ITGB3BP: variants seen among roughly 807,000 people sequenced by gnomAD.
ITGB3BP encodes the protein centromere protein R.
ITGB3BP carries 27 observed loss-of-function variants against 29.1 expected under a neutral mutation model. The observed-to-expected ratio is 0.93, with a 90% CI of 0.68 to 1.28. The LOEUF (loss-of-function observed/expected upper bound fraction) is 1.28, where lower values mean the gene tolerates loss of function less well. Among genes scored for constraint, ITGB3BP ranks in the 50% most tolerant of loss-of-function variants. The probability of loss-of-function intolerance (pLI) is 0.00; values close to 1 mark genes in which losing one functional copy is unlikely to be tolerated. For synonymous variants in ITGB3BP, 61 were observed against 61.4 expected (o/e 0.99, Z 0.03); for missense variants, 192 against 200.2 (o/e 0.96, Z 0.25).
At position 63,494,950 on chromosome 1, in the gene ITGB3BP, G is replaced by A. The variant is rs11806774; in HGVS notation, c.49-4732C>T. ...CCTGAGTAGCTGAGGCTATAGGCAC[G>A]CACTACCATGCCAGCTTATTTAACA... On this transcript the variant is annotated intron_variant, in intron 2 of 8. Transcript: ENST00000271002. Among the ~76,000 whole-genome samples the A allele has an allele frequency of 6.6e-3, 1,003 of 152,122 alleles. 10 individuals are homozygous for A. Among genetic ancestry groups the A allele is most frequent in the African/African-American group, 0.023 (939 of 41,482 alleles).
At chr1:63,487,800 A>C (rs1645560337) in intron 3 of ITGB3BP, among the ~76,000 whole-genome samples, 1 of 152,142 alleles carries the variant, frequency 6.6e-6, no homozygotes, top group South Asian at 2.1e-4. Flanking sequence ...TACATGCTAC[A>C]CTTTTATATG....
intron 2 of ITGB3BP, among the ~76,000 whole-genome samples, chr1:63,503,999 C>G (rs1646007389): frequency 6.6e-6 from 1 of 151,762 alleles, no homozygotes; most frequent in African/African-American, 2.4e-5. Context: ...GATGCAGGCT[C>G]TTTTTTGGTT....
At chr1:63,526,421 C>T (rs1159870974), upstream of ITGB3BP, among the ~76,000 whole-genome samples, 3 of 152,088 alleles carry the variant, frequency 2.0e-5, no homozygotes, top group Admixed American at 6.6e-5. Flanking sequence ...AGGCTAATAA[C>T]TTTATGGGTA....
intron 2 of ITGB3BP, among the ~76,000 whole-genome samples, chr1:63,500,535 C>A (rs960645637): frequency 2.0e-5 from 3 of 151,998 alleles, no homozygotes; most frequent in African/African-American, 7.2e-5. Flanking sequence ...CCATTAATAG[C>A]ATAAAAAGAA....
intron 7 of ITGB3BP, chr1:63,449,779 T>C (rs1433339850): frequency 1.3e-5 from 2 of 154,586 alleles, no homozygotes; most frequent in Non-Finnish European, 2.9e-5. Context: ...TCGTCACGTC[T>C]AAACTTCAAA....
intron 4 of ITGB3BP, among the ~76,000 whole-genome samples, chr1:63,464,926 TA>T (rs554784611): frequency 1.6e-4 from 24 of 152,236 alleles, no homozygotes; most frequent in African/African-American, 5.5e-4. Flanking sequence ...AATAAAAGGT[TA>T]AAAAAATTGT....
intron 7 of ITGB3BP, among the ~76,000 whole-genome samples, chr1:63,448,429 G>A (rs1291309094): frequency 6.6e-6 from 1 of 151,914 alleles, no homozygotes; most frequent in Non-Finnish European, 1.5e-5. Flanking sequence ...CACTTGGTGT[G>A]AATAGTATGA....
chr1:63,506,089 G>T (rs1210540576), intron 2 of ITGB3BP, among the ~76,000 whole-genome samples: 1 of 152,114 alleles, frequency 6.6e-6, no homozygotes, highest in Non-Finnish European at 1.5e-5. Flanking sequence ...CTGTCTCGTT[G>T]ATCTGTCTAA....
chr1:63,493,084 A>ACGCGCGCG (rs1203724292), intron 2 of ITGB3BP, among the ~76,000 whole-genome samples: 72 of 136,258 alleles, frequency 5.3e-4, no homozygotes, highest in Middle Eastern at 4.3e-3. Context: ...ACACACACAC[A>ACGCGCGCG]CACACGCGCG....
At chr1:63,523,095 C>T (rs1200014311) in intron 1 of ITGB3BP, 34 bp downstream of exon 1, 1 of 1,613,656 alleles carries the variant, frequency 6.2e-7, no homozygotes, top group Non-Finnish European at 8.5e-7. Context: ...CAGAGGGCCC[C>T]CAAAACAGCA....
Position 63,477,466 on chromosome 1 carries a change from C to T in ITGB3BP, c.254+1298G>A, listed in dbSNP as rs78444791. Among the ~76,000 whole-genome samples the T allele has an allele frequency of 4.9e-3, 745 of 152,254 alleles. 1 individual carries two copies. The highest frequency in any genetic ancestry group is 6.9e-3 in the Non-Finnish European group (470 of 68,018). On this transcript the variant is annotated intron_variant, in intron 4 of 8. Transcript: ENST00000271002. ...GCATGCAGTATCTCACACCTGTAAT[C>T]CCAGCACTTTGGGAGGCCTGGGCGA...
At chr1:63,512,134 C>T (rs1362177954) in intron 1 of ITGB3BP, among the ~76,000 whole-genome samples, 1 of 151,956 alleles carries the variant, frequency 6.6e-6, no homozygotes, top group Admixed American at 6.6e-5. Context: ...GGTTTAGATT[C>T]ACTGGGATCA....
At chr1:63,479,223 G>T (rs1645395171) in intron 3 of ITGB3BP, among the ~76,000 whole-genome samples, 1 of 151,844 alleles carries the variant, frequency 6.6e-6, no homozygotes, top group South Asian at 2.1e-4. Context: ...TTTTTCTCAA[G>T]TTAACAACAA....
chr1:63,524,493 A>G (rs1015072709), upstream of ITGB3BP, among the ~76,000 whole-genome samples: 1 of 152,192 alleles, frequency 6.6e-6, no homozygotes, highest in Admixed American at 6.5e-5. Context: ...ATAATTCGAA[A>G]AGGTGCAAGT....
chr1:63,454,814 A>G lies in ITGB3BP; in HGVS notation c.333+76T>C. 1 of 657,346 alleles carries G rather than the reference A, an allele frequency of 1.5e-6. No individual in the cohort carries two copies. Among genetic ancestry groups the G allele is most frequent in the South Asian group, 2.6e-5 (1 of 38,972 alleles). The allele number at this position is 657,346 out of a possible 1,614,324, so 40.7% of individuals were successfully genotyped here. ...ATACTCTATGCAAACTCTTTCCTGG[A>G]TTGGATTCTCCAATCTGGGACACTT... On this transcript the variant is annotated intron_variant, in intron 5 of 8. Coordinates refer to ENST00000271002, the MANE Select transcript of ITGB3BP (RefSeq NM_014288.5). This position sits in a 1 kb window ranked among gnomAD's most constrained non-coding sequence, Gnocchi z 4.1.
chr1:63,514,860 C>T (rs147990894), intron 1 of ITGB3BP, among the ~76,000 whole-genome samples: 2,192 of 148,824 alleles, frequency 0.015, 50 homozygotes, highest in African/African-American at 0.052. Context: ...ACAGGAGAAT[C>T]GCTTGAACCC....
chr1:63,446,048 G>A (rs1012262024), intron 8 of ITGB3BP, among the ~76,000 whole-genome samples: 6 of 151,868 alleles, frequency 4.0e-5, no homozygotes, highest in Non-Finnish European at 5.9e-5. Context: ...GGATTCAGGC[G>A]CAAGCTAGCC....
At chr1:63,523,335 T>C, upstream of ITGB3BP, 1 of 670,554 alleles carries the variant, frequency 1.5e-6, no homozygotes, top group Non-Finnish European at 2.6e-6. Flanking sequence ...CGGGGAGTTC[T>C]AGGCCCAGGA....
chr1:63,459,986 G>A (rs912712951), intron 4 of ITGB3BP, among the ~76,000 whole-genome samples: 3 of 151,138 alleles, frequency 2.0e-5, no homozygotes, highest in African/African-American at 7.3e-5. Flanking sequence ...AAAAAATCTG[G>A]TCAATATAAA....
Sources: gnomAD v4.1 joint callset for allele counts (sites outside exome capture counted in the v4.1 genomes callset) on GRCh38, gnomAD v4.1.1 for gene constraint, Gnocchi (gnomAD v3.1) non-coding constraint, MANE v1.5 for transcripts, NCBI Gene and HGNC (gene_info 2026-07-23, HGNC 2026-07-21) for gene names.